The following ARSB variants were observed in gnomAD, a reference collection of about 807,000 sequenced individuals.
The protein encoded by ARSB is arylsulfatase B.
Under a neutral mutation model 50.9 loss-of-function variants are expected in ARSB, and 41 were observed. The observed-to-expected ratio is 0.81, with a 90% CI of 0.63 to 1.04. The LOEUF (loss-of-function observed/expected upper bound fraction) is 1.04. Ranked by LOEUF, ARSB falls within the 50% of genes least tolerant of loss-of-function variation. ARSB has a pLI of 0.00. For missense variants in ARSB, 672 were observed against 693.3 expected, an observed-to-expected ratio of 0.97 and a Z score of 0.35; for synonymous variants, 269 against 284.8, an observed-to-expected ratio of 0.94 and a Z score of 0.56.
intron 5 of ARSB, among the ~76,000 whole-genome samples, chr5:78,882,139 T>A (rs1747778809): frequency 6.6e-6 from 1 of 152,246 alleles, no homozygotes; most frequent in Admixed American, 6.5e-5. Flanking sequence ...TGACCTACAG[T>A]TAAAACAAGT....
chr5:78,930,011 G>C (rs1750246335), intron 4 of ARSB, among the ~76,000 whole-genome samples: 1 of 152,116 alleles, frequency 6.6e-6, no homozygotes, highest in Admixed American at 6.5e-5. Flanking sequence ...CAACCGGTCA[G>C]GCCACTCCCT....
intron 6 of ARSB, among the ~76,000 whole-genome samples, chr5:78,787,999 T>C (rs1390367381): frequency 6.6e-6 from 1 of 151,906 alleles, no homozygotes; most frequent in Non-Finnish European, 1.5e-5. Flanking sequence ...AGGAAAATAA[T>C]ATGAGGAAGT....
At chr5:78,939,955 C>T (rs1283715776) in intron 4 of ARSB, among the ~76,000 whole-genome samples, 1 of 152,216 alleles carries the variant, frequency 6.6e-6, no homozygotes, top group Non-Finnish European at 1.5e-5. Flanking sequence ...TGTTTCCTGA[C>T]TTTCTAATGA....
chr5:78,955,567 A>G (rs1751688411), intron 3 of ARSB, 65 bp from the exon 4 acceptor site: 1 of 1,347,438 alleles, frequency 7.4e-7, no homozygotes, highest in African/African-American at 1.4e-5. Context: ...GAAGGATAAG[A>G]CAGTTCAGAT....
chr5:78,950,152 A>G lies in ARSB; in HGVS notation c.898+5143T>C, dbSNP rs1013961156. Among the ~76,000 whole-genome samples, 4 of 152,250 alleles carry G rather than the reference A, an allele frequency of 2.6e-5. No individual in the cohort carries two copies. In the South Asian group the frequency reaches 8.3e-4, roughly 32 times the overall value. ...CATGGTGACAAGCATCCAGAATACA[A>G]TGGTGTCTTCCTAACAGCCACTAGT... is the stretch of plus-strand genomic sequence containing the variant. On this transcript the variant is annotated intron_variant, in intron 4 of 7. Transcript: ENST00000264914.
intron 5 of ARSB, among the ~76,000 whole-genome samples, chr5:78,859,305 A>C (rs1380496376): frequency 6.6e-6 from 1 of 152,202 alleles, no homozygotes; most frequent in Non-Finnish European, 1.5e-5. Context: ...ATAGATTGTT[A>C]TTAAGAAGGT....
chr5:78,857,759 C>T (rs1746224388), intron 5 of ARSB, among the ~76,000 whole-genome samples: 1 of 152,168 alleles, frequency 6.6e-6, no homozygotes, highest in Non-Finnish European at 1.5e-5. Flanking sequence ...AATAACAGAA[C>T]TATCTTGTTT....
At chr5:78,963,978 C>T (rs1018963179) in intron 3 of ARSB, among the ~76,000 whole-genome samples, 6 of 152,122 alleles carry the variant, frequency 3.9e-5, no homozygotes, top group Non-Finnish European at 5.9e-5. Flanking sequence ...GATCCCTTAA[C>T]CAAAAGTTTG....
At chr5:78,960,508 A>G (rs1260980719) in intron 3 of ARSB, among the ~76,000 whole-genome samples, 5 of 152,222 alleles carry the variant, frequency 3.3e-5, no homozygotes, top group Non-Finnish European at 7.3e-5. Context: ...CTTCTAGTAG[A>G]TCAGGTGTAT....
chr5:78,820,453 C>T lies in ARSB; in HGVS notation c.1213+18903G>A, dbSNP rs534557368. Reference sequence around the variant, plus strand: ...GTGGACGCCTATAGTCCCACCTACTCGGGAGGCTGAGGCAGGAGAATCGCT... The same window carrying T: ...GTGGACGCCTATAGTCCCACCTACTTGGGAGGCTGAGGCAGGAGAATCGCT... On this transcript the variant is annotated intron_variant, in intron 6 of 7. Transcript: ENST00000264914. Among the ~76,000 whole-genome samples the T allele has an allele frequency of 1.1e-4, 16 of 152,010 alleles. No homozygotes were observed. The South Asian group carries it at 2.9e-3, about 28-fold the overall frequency.
At position 78,862,847 on chromosome 5, in the gene ARSB, A is replaced by G. The variant is rs563986400; in HGVS notation, c.1142+22737T>C. ...TACAGAATGGGAGAAAATTTTTACA[A>G]TTTACCCATGTAACAAAGGGCTAAT... is the stretch of plus-strand genomic sequence containing the variant. On this transcript the variant is annotated intron_variant, in intron 5 of 7. Coordinates refer to ENST00000264914, the MANE Select transcript of ARSB (RefSeq NM_000046.5). Among the ~76,000 whole-genome samples, 6 of 152,368 alleles carry G rather than the reference A, an allele frequency of 3.9e-5. No individual in the cohort carries two copies. The South Asian group carries it at 1.2e-3, about 32-fold the overall frequency.
At chr5:78,839,615 G>A (rs563222632) in intron 5 of ARSB, among the ~76,000 whole-genome samples, 189 bp from the exon 6 acceptor site, 96 of 152,240 alleles carry the variant, frequency 6.3e-4, no homozygotes, top group Non-Finnish European at 9.6e-4. Flanking sequence ...TACATTGACC[G>A]AACCCTTTAC....
chr5:78,847,847 C>T (rs1284099845), intron 5 of ARSB, among the ~76,000 whole-genome samples: 2 of 151,982 alleles, frequency 1.3e-5, no homozygotes, highest in Admixed American at 6.6e-5. Context: ...AATTTGTTGG[C>T]ATATAGTTGT....
intron 1 of ARSB, among the ~76,000 whole-genome samples, chr5:78,976,154 C>T (rs1752651621): frequency 6.6e-6 from 1 of 151,860 alleles, no homozygotes. Context: ...ACAGGAGCTG[C>T]CTATGGGAAG....
intron 6 of ARSB, chr5:78,815,581 T>C (rs1173555621): frequency 1.0e-6 from 1 of 987,066 alleles, no homozygotes; most frequent in African/African-American, 1.8e-5. Context: ...TTCCTGAAGA[T>C]GGCTTTTCAA....
At chr5:78,845,902 T>G (rs1346392520) in intron 5 of ARSB, among the ~76,000 whole-genome samples, 1 of 152,152 alleles carries the variant, frequency 6.6e-6, no homozygotes, top group Non-Finnish European at 1.5e-5. Flanking sequence ...CCCATTTGTC[T>G]ATTTTTGCTT....
chr5:78,883,189 T>G (rs1351376959), intron 5 of ARSB: 2 of 152,168 alleles, frequency 1.3e-5, no homozygotes, highest in South Asian at 2.1e-4. Context: ...AGATCATGGA[T>G]AGAGGCAGAA....
chr5:78,905,016 T>A (rs577846959), intron 4 of ARSB, among the ~76,000 whole-genome samples: 1 of 152,306 alleles, frequency 6.6e-6, no homozygotes, highest in African/African-American at 2.4e-5. Flanking sequence ...TATTGATCTA[T>A]CTTGAAGTTC....
intron 6 of ARSB, among the ~76,000 whole-genome samples, chr5:78,825,500 T>C (rs530067022): frequency 1.3e-5 from 2 of 152,342 alleles, no homozygotes; most frequent in Non-Finnish European, 2.9e-5. Context: ...CTTTTCAGTC[T>C]CTAACATTTG....
Sources: gnomAD v4.1 joint callset for allele counts (sites outside exome capture counted in the v4.1 genomes callset) on GRCh38, gnomAD v4.1.1 for gene constraint, MANE v1.5 for transcripts, NCBI Gene and HGNC (gene_info 2026-07-23, HGNC 2026-07-21) for gene names.